CAGE1: variants seen among roughly 807,000 people sequenced by gnomAD.
CAGE1 encodes cancer antigen 1, also known as cancer-associated gene 1 protein.
Under a neutral mutation model 94.9 loss-of-function variants are expected in CAGE1, and 66 were observed. That is an observed-to-expected ratio of 0.70 (90% confidence interval 0.57 to 0.85). The LOEUF is 0.85. Ranked by LOEUF, CAGE1 falls within the 40% of genes least tolerant of loss-of-function variation. The pLI is 0.00. For missense variants in CAGE1, 865 were observed against 950.4 expected (o/e 0.91, Z 1.18); for synonymous variants, 319 against 321.0 (o/e 0.99, Z 0.07).
intron 11 of CAGE1, chr6:7,338,819 C>T (rs1033567927): frequency 6.1e-6 from 6 of 983,238 alleles, no homozygotes; most frequent in South Asian, 1.3e-5. Flanking sequence ...CTCCAGAATA[C>T]AGCTGCCAAG....
chr6:7,369,704 CT>C (rs1760475542), intron 6 of CAGE1, among the ~76,000 whole-genome samples: 1 of 152,282 alleles, frequency 6.6e-6, no homozygotes, highest in East Asian at 1.9e-4. Context: ...TCTTATCTAT[CT>C]CTACGCTTGT....
intron 11 of CAGE1, among the ~76,000 whole-genome samples, chr6:7,337,137 A>T (rs1001217523): frequency 1.3e-5 from 2 of 152,046 alleles, no homozygotes; most frequent in Non-Finnish European, 2.9e-5. Context: ...CCTGGCCAAC[A>T]TGGTGAAACC....
chr6:7,381,594 T>C (rs565540982), intron 3 of CAGE1, among the ~76,000 whole-genome samples: 3 of 151,392 alleles, frequency 2.0e-5, no homozygotes, highest in East Asian at 3.9e-4. Flanking sequence ...TGTGGCACGA[T>C]CTCGGCTCAT....
At chr6:7,357,014 C>T (rs1759979627) in intron 9 of CAGE1, among the ~76,000 whole-genome samples, 1 of 152,056 alleles carries the variant, frequency 6.6e-6, no homozygotes, top group African/African-American at 2.4e-5. Flanking sequence ...CCAGGCTGGT[C>T]TTGAACTCCT....
intron 1 of CAGE1, among the ~76,000 whole-genome samples, chr6:7,387,863 C>CAAAAAAAA (rs70978962): frequency 9.2e-6 from 1 of 108,918 alleles, no homozygotes; most frequent in African/African-American, 3.3e-5. Flanking sequence ...ACTAAAAATA[C>CAAAAAAAA]AAAAAAAAAA....
chr6:7,368,876 A>G, intron 6 of CAGE1, 78 bp from the exon 7 acceptor site: 1 of 755,132 alleles, frequency 1.3e-6, no homozygotes, highest in Non-Finnish European at 2.2e-6. Context: ...TGCATATGAA[A>G]CAAAAACAAA....
At chr6:7,355,996 C>G in intron 10 of CAGE1, 29 bp downstream of exon 10, 2 of 1,319,094 alleles carry the variant, frequency 1.5e-6, no homozygotes, top group African/African-American at 1.5e-5. Flanking sequence ...GATCTTGTCT[C>G]AAAATACAAA....
intron 9 of CAGE1, among the ~76,000 whole-genome samples, chr6:7,358,068 ATATG>A (rs1317067468): frequency 3.3e-5 from 4 of 119,914 alleles, no homozygotes; most frequent in Non-Finnish European, 5.2e-5. Context: ...ATATATATAT[ATATG>A]CCTCCAAAAC....
At chr6:7,358,101 A>T (rs1285901543) in intron 9 of CAGE1, among the ~76,000 whole-genome samples, 21 of 138,100 alleles carry the variant, frequency 1.5e-4, no homozygotes, top group African/African-American at 5.6e-4. Flanking sequence ...GCATCAAGAT[A>T]ATGAGTCTGC....
intron 11 of CAGE1, chr6:7,338,985 G>A: frequency 6.2e-7 from 1 of 1,608,452 alleles, no homozygotes; most frequent in Non-Finnish European, 8.5e-7. Flanking sequence ...AATCTTACCA[G>A]TTGGGTCCCA....
intron 12 of CAGE1, among the ~76,000 whole-genome samples, chr6:7,333,197 C>T (rs998882804): frequency 2.6e-5 from 4 of 152,092 alleles, no homozygotes; most frequent in Admixed American, 6.5e-5. Context: ...GTGATTCACC[C>T]GCCTCAGTCT....
chr6:7,331,156 T>C (rs1758736686), intron 12 of CAGE1: 2 of 239,768 alleles, frequency 8.3e-6, no homozygotes, highest in African/African-American at 2.3e-5. Context: ...TTTTTACATC[T>C]TTAATGAAAT....
intron 4 of CAGE1, among the ~76,000 whole-genome samples, chr6:7,376,932 C>T (rs1006728452): frequency 1.3e-5 from 2 of 152,200 alleles, no homozygotes; most frequent in African/African-American, 4.8e-5. Context: ...GATGCCCAAC[C>T]TACTTACATA....
chr6:7,347,100 G>T (rs752361549), intron 11 of CAGE1, among the ~76,000 whole-genome samples: 9 of 152,142 alleles, frequency 5.9e-5, no homozygotes, highest in South Asian at 4.1e-4. Context: ...GGCAGGACTA[G>T]ATTGCAGTTC....
intron 11 of CAGE1, among the ~76,000 whole-genome samples, chr6:7,335,057 C>G (rs534475099): frequency 2.0e-5 from 3 of 152,194 alleles, no homozygotes; most frequent in Non-Finnish European, 4.4e-5. Flanking sequence ...ACCTGGAGGC[C>G]GTCCTCATTC....
Position 7,378,691 on chromosome 6 carries a change from C to G in CAGE1, c.613G>C (p.Glu205Gln). Residue 205 changes from glutamate to glutamine, a missense_variant, in exon 4 of 14, where the codon GAA (glutamate) becomes CAA (glutamine). Coordinates refer to ENST00000502583, the MANE Select transcript of CAGE1 (RefSeq NM_001170692.2). The part of the protein sequence containing the change: ...HCSGEMLKFT[E>Q]KSLAKSIAKE... ...GCAATACTTTTAGCCAGTGACTTTT[C>G]TGTAAATTTCAGCATCTCTCCACTG... 6.2e-7 allele frequency: 1 copy of G among 1,613,096 alleles called. No individual in the cohort carries two copies. The highest frequency in any genetic ancestry group is 1.1e-5 in the South Asian group (1 of 90,734).
At chr6:7,374,787 T>C (rs1008384418) in intron 4 of CAGE1, among the ~76,000 whole-genome samples, 1 of 152,134 alleles carries the variant, frequency 6.6e-6, no homozygotes, top group African/African-American at 2.4e-5. Context: ...CCCAGCACTT[T>C]GGGAGACTGA....
At chr6:7,330,123 C>A (rs1202182280) in intron 12 of CAGE1, among the ~76,000 whole-genome samples, 4 of 152,182 alleles carry the variant, frequency 2.6e-5, no homozygotes, top group Non-Finnish European at 4.4e-5. Context: ...TGCGGTGGCT[C>A]ACACCTGTAA....
rs773219565 is a variant in CAGE1, at chr6:7,333,683, T to C, written c.2438+339A>G. Among the ~76,000 whole-genome samples the C allele has an allele frequency of 5.6e-3, 820 of 146,178 alleles. 6 individuals carry two copies. Among genetic ancestry groups the C allele is most frequent in the Middle Eastern group, 0.018 (5 of 280 alleles). ...ATATATATATATATATACATTTTTT[T>C]TTTGAGACAGAGTCCCACTCTGTTG... On this transcript the variant is annotated intron_variant, in intron 12 of 13. Coordinates refer to ENST00000502583, the MANE Select transcript of CAGE1 (RefSeq NM_001170692.2).
Sources: allele counts gnomAD v4.1 joint callset (sites outside exome capture counted in the v4.1 genomes callset), GRCh38; gene constraint gnomAD v4.1.1; transcripts MANE v1.5; gene names NCBI Gene and HGNC (gene_info 2026-07-23, HGNC 2026-07-21).